The following ADAMTS20 variants were observed in gnomAD, a reference collection of about 807,000 sequenced individuals.
ADAMTS20 encodes the protein ADAM metallopeptidase with thrombospondin type 1 motif 20.
Under a neutral mutation model 260.1 loss-of-function variants are expected in ADAMTS20, and 225 were observed. The observed-to-expected ratio is 0.87, with a 90% CI of 0.78 to 0.97. The LOEUF is 0.97. ADAMTS20 is among the 50% of genes least tolerant of loss of function. The pLI is 0.00. For missense variants in ADAMTS20, 2,400 were observed against 2,337.7 expected (o/e 1.03, Z -0.55); for synonymous variants, 802 against 769.5 (o/e 1.04, Z -0.70).
intron 29 of ADAMTS20, among the ~76,000 whole-genome samples, chr12:43,387,959 G>A (rs1247898775): frequency 6.6e-6 from 1 of 152,158 alleles, no homozygotes; most frequent in Non-Finnish European, 1.5e-5. Context: ...ATCTTAGCTT[G>A]CCGGACTCCA....
chr12:43,461,135 C>T (rs746866194), intron 11 of ADAMTS20, among the ~76,000 whole-genome samples: 6 of 150,362 alleles, frequency 4.0e-5, no homozygotes, highest in African/African-American at 1.2e-4. Context: ...GGATTACAGG[C>T]GCCTGTCACC....
At chr12:43,437,284 T>C (rs1941575452) in intron 18 of ADAMTS20, among the ~76,000 whole-genome samples, 1 of 152,086 alleles carries the variant, frequency 6.6e-6, no homozygotes, top group Non-Finnish European at 1.5e-5. Flanking sequence ...AAAAGAAATA[T>C]CAGTTTAGGA....
At chr12:43,425,479 G>A (rs777929315) in intron 28 of ADAMTS20, 35 bp downstream of exon 28, 6 of 1,426,622 alleles carry the variant, frequency 4.2e-6, no homozygotes, top group South Asian at 1.7e-5. Context: ...AAACTTTAAA[G>A]TATGACATGT....
At chr12:43,524,400 C>A (rs1943113261) in intron 3 of ADAMTS20, among the ~76,000 whole-genome samples, 1 of 151,432 alleles carries the variant, frequency 6.6e-6, no homozygotes, top group Non-Finnish European at 1.5e-5. Context: ...AATATTCTAC[C>A]CAAATGAGAA....
chr12:43,380,360 T>C (rs1335859381), intron 31 of ADAMTS20, among the ~76,000 whole-genome samples: 4 of 152,154 alleles, frequency 2.6e-5, no homozygotes, highest in African/African-American at 9.7e-5. Context: ...AAAGTTTTCC[T>C]ACAGAGAGCA....
chr12:43,501,892 A>G (rs552149560), intron 4 of ADAMTS20, among the ~76,000 whole-genome samples: 1 of 152,298 alleles, frequency 6.6e-6, no homozygotes, highest in South Asian at 2.1e-4. Context: ...CATTCATGTG[A>G]GAAAGTAAAG....
chr12:43,374,822 G>A (rs1160904451), intron 36 of ADAMTS20, among the ~76,000 whole-genome samples: 5 of 152,160 alleles, frequency 3.3e-5, no homozygotes, highest in African/African-American at 9.7e-5. Flanking sequence ...TTTTAAGGTA[G>A]AGGGTTTTAT....
chr12:43,391,413 G>A (rs1343112824), intron 29 of ADAMTS20, among the ~76,000 whole-genome samples: 1 of 152,102 alleles, frequency 6.6e-6, no homozygotes, highest in Non-Finnish European at 1.5e-5. Flanking sequence ...CTCTTACTGT[G>A]TTGCCTCCTG....
chr12:43,454,441 A>G (rs1941928093), intron 11 of ADAMTS20, among the ~76,000 whole-genome samples: 1 of 152,142 alleles, frequency 6.6e-6, no homozygotes, highest in African/African-American at 2.4e-5. Context: ...AAAGCTTTCT[A>G]CTTTATTCTA....
At chr12:43,510,748 G>C (rs898485013) in intron 3 of ADAMTS20, among the ~76,000 whole-genome samples, 6 of 151,980 alleles carry the variant, frequency 3.9e-5, no homozygotes, top group African/African-American at 1.4e-4. Flanking sequence ...TAAAACACTT[G>C]AAAATTACAA....
intron 4 of ADAMTS20, among the ~76,000 whole-genome samples, chr12:43,496,763 C>G (rs1016762536): frequency 6.6e-6 from 1 of 152,030 alleles, no homozygotes; most frequent in African/African-American, 2.4e-5. Flanking sequence ...TTTTAAAGAA[C>G]AAAATCATTC....
chr12:43,530,558 A>T lies in ADAMTS20; in HGVS notation c.613+1478T>A, dbSNP rs74817780. Among the ~76,000 whole-genome samples, 315 of 152,292 alleles carry T rather than the reference A, an allele frequency of 2.1e-3. 1 individual carries two copies. The highest frequency in any genetic ancestry group is 7.2e-3 in the African/African-American group (301 of 41,584). On this transcript the variant is annotated intron_variant, in intron 3 of 38. Transcript: ENST00000389420. ...AACCATCAAAGGCCTACATATCATT[A>T]TATCTCAAAACAGATGGCATCACAG...
chr12:43,399,429 A>C (rs1940766904), intron 28 of ADAMTS20, among the ~76,000 whole-genome samples, 196 bp from the exon 29 acceptor site: 1 of 152,190 alleles, frequency 6.6e-6, no homozygotes, highest in Admixed American at 6.6e-5. Context: ...TGAATATCAT[A>C]AGGTAATATG....
intron 37 of ADAMTS20, among the ~76,000 whole-genome samples, chr12:43,366,257 T>C (rs1294118549): frequency 6.6e-6 from 1 of 151,824 alleles, no homozygotes; most frequent in Non-Finnish European, 1.5e-5. Flanking sequence ...TATTTTATAA[T>C]AATAAAAAGG....
chr12:43,402,383 T>C (rs1387892494), intron 28 of ADAMTS20, among the ~76,000 whole-genome samples: 1 of 151,992 alleles, frequency 6.6e-6, no homozygotes, highest in Non-Finnish European at 1.5e-5. Context: ...TAAAATAAAT[T>C]ATGCTTTATA....
intron 2 of ADAMTS20, among the ~76,000 whole-genome samples, chr12:43,535,401 A>ATT (rs5797867): frequency 6.6e-6 from 1 of 151,906 alleles, no homozygotes; most frequent in African/African-American, 2.4e-5. Context: ...GCTTGCAGGG[A>ATT]TTTTTGTCAG....
chr12:43,448,889 G>A (rs532576159), intron 14 of ADAMTS20, among the ~76,000 whole-genome samples: 9 of 151,976 alleles, frequency 5.9e-5, no homozygotes, highest in East Asian at 5.8e-4. Flanking sequence ...CAAAAAAAGC[G>A]CAATATCACT....
At chr12:43,508,663 C>T (rs957745969) in intron 3 of ADAMTS20, among the ~76,000 whole-genome samples, 8 of 151,996 alleles carry the variant, frequency 5.3e-5, no homozygotes, top group African/African-American at 1.4e-4. Flanking sequence ...TTATGGGGTA[C>T]ATGAGATATT....
At chr12:43,412,053 A>G (rs1941041897) in intron 28 of ADAMTS20, among the ~76,000 whole-genome samples, 1 of 152,236 alleles carries the variant, frequency 6.6e-6, no homozygotes. Flanking sequence ...TGAGAATGCT[A>G]AACTCAATAA....
Sources: allele counts gnomAD v4.1 joint callset (sites outside exome capture counted in the v4.1 genomes callset), GRCh38; gene constraint gnomAD v4.1.1; transcripts MANE v1.5; gene names NCBI Gene and HGNC (gene_info 2026-07-23, HGNC 2026-07-21).